The following SLC24A2 variants were observed in gnomAD, a reference collection of about 807,000 sequenced individuals.
SLC24A2 encodes sodium/potassium/calcium exchanger 2.
SLC24A2 carries 36 observed loss-of-function variants against 62.0 expected under a neutral mutation model. The observed-to-expected ratio is 0.58, with a 90% CI of 0.44 to 0.77. SLC24A2 has a LOEUF of 0.77. SLC24A2 is among the 30% of genes least tolerant of loss of function. SLC24A2 has a pLI of 0.00. For synonymous variants in SLC24A2, 358 were observed against 294.0 expected, an observed-to-expected ratio of 1.22 and a Z score of -2.23; for missense variants, 846 against 817.9, an observed-to-expected ratio of 1.03 and a Z score of -0.42.
the SLC24A2 span, among the ~76,000 whole-genome samples, chr9:19,986,532 A>G: frequency 6.6e-6 from 1 of 152,218 alleles, no homozygotes; most frequent in South Asian, 2.1e-4. Context: ...AGATGGAAAG[A>G]ACCCAAATGT....
At chr9:19,592,125 T>A (rs540852911) in intron 5 of SLC24A2, among the ~76,000 whole-genome samples, 15 of 152,220 alleles carry the variant, frequency 9.9e-5, no homozygotes, top group South Asian at 2.1e-4. Flanking sequence ...CTTTTGTTTC[T>A]TTGAAATAAT....
the SLC24A2 span, among the ~76,000 whole-genome samples, chr9:20,301,281 G>A: frequency 3.0e-4 from 45 of 152,210 alleles, no homozygotes; most frequent in South Asian, 8.5e-3. Flanking sequence ...GCTGAAGACT[G>A]GCAATTGCTT....
At chr9:20,306,207 T>C in the SLC24A2 span, among the ~76,000 whole-genome samples, 2 of 152,214 alleles carry the variant, frequency 1.3e-5, no homozygotes, top group Non-Finnish European at 2.9e-5. Context: ...CCATGTTGTG[T>C]TGGAATTCAG....
the SLC24A2 span, among the ~76,000 whole-genome samples, chr9:20,228,605 T>C: frequency 6.6e-6 from 1 of 152,140 alleles, no homozygotes; most frequent in Non-Finnish European, 1.5e-5. Context: ...AGAAGTTCTC[T>C]GCTATTGCCC....
At chr9:19,712,399 A>G (rs919504644) in intron 2 of SLC24A2, among the ~76,000 whole-genome samples, 34 of 152,164 alleles carry the variant, frequency 2.2e-4, no homozygotes, top group Non-Finnish European at 4.7e-4. Flanking sequence ...ATGGGTTTGA[A>G]TGTACTTTTC....
the SLC24A2 span, among the ~76,000 whole-genome samples, chr9:19,880,597 G>C: frequency 6.6e-6 from 1 of 152,104 alleles, no homozygotes; most frequent in Non-Finnish European, 1.5e-5. Context: ...CTACAGAAAA[G>C]GTGAAAAAAG....
At chr9:20,265,625 T>C in the SLC24A2 span, among the ~76,000 whole-genome samples, 1 of 152,162 alleles carries the variant, frequency 6.6e-6, no homozygotes, top group Non-Finnish European at 1.5e-5. Flanking sequence ...TTGCGTTAAC[T>C]GCACAAATTG....
the SLC24A2 span, among the ~76,000 whole-genome samples, chr9:19,983,059 A>C: frequency 6.6e-6 from 1 of 152,198 alleles, no homozygotes; most frequent in Admixed American, 6.6e-5. Flanking sequence ...CATCATATTC[A>C]ATGGTGAAAT....
At chr9:19,535,255 G>A (rs553468537) in intron 8 of SLC24A2, among the ~76,000 whole-genome samples, 8 of 152,068 alleles carry the variant, frequency 5.3e-5, no homozygotes, top group South Asian at 2.1e-4. Flanking sequence ...GATATTAGCC[G>A]TTTGTCAGAT....
At chr9:19,634,267 T>C (rs1056057461) in intron 2 of SLC24A2, among the ~76,000 whole-genome samples, 14 of 149,064 alleles carry the variant, frequency 9.4e-5, no homozygotes, top group African/African-American at 3.2e-4. Context: ...CAATCTAACT[T>C]GAAACTGCAG....
chr9:19,824,486 G>A, the SLC24A2 span, among the ~76,000 whole-genome samples: 1 of 152,216 alleles, frequency 6.6e-6, no homozygotes, highest in East Asian at 1.9e-4. Flanking sequence ...TCTCATGTCA[G>A]TTAGAATGGC....
chr9:19,931,942 G>T, the SLC24A2 span, among the ~76,000 whole-genome samples: 1 of 151,710 alleles, frequency 6.6e-6, no homozygotes, highest in East Asian at 1.9e-4. Context: ...ATTATTTTTA[G>T]TTTTGAGTCT....
At chr9:19,727,052 G>T (rs1821192323) in intron 2 of SLC24A2, among the ~76,000 whole-genome samples, 1 of 152,148 alleles carries the variant, frequency 6.6e-6, no homozygotes, top group Admixed American at 6.6e-5. Flanking sequence ...CATTTGGGCT[G>T]AAACTTCGTC....
At chr9:19,683,775 G>A (rs1200804730) in intron 2 of SLC24A2, among the ~76,000 whole-genome samples, 1 of 152,054 alleles carries the variant, frequency 6.6e-6, no homozygotes, top group Non-Finnish European at 1.5e-5. Context: ...GCTGAGATGG[G>A]AGCATTTAAA....
chr9:19,702,651 T>A (rs943727647), intron 2 of SLC24A2, among the ~76,000 whole-genome samples: 3 of 152,208 alleles, frequency 2.0e-5, no homozygotes, highest in Admixed American at 6.5e-5. Flanking sequence ...AGTGGCTTCC[T>A]ATAGTTAGAT....
the SLC24A2 span, among the ~76,000 whole-genome samples, chr9:20,203,848 T>A: frequency 6.6e-6 from 1 of 152,200 alleles, no homozygotes; most frequent in African/African-American, 2.4e-5. Flanking sequence ...CTATGGTATA[T>A]GCATATCAGC....
At chr9:20,182,277 A>G in the SLC24A2 span, among the ~76,000 whole-genome samples, 2 of 152,234 alleles carry the variant, frequency 1.3e-5, no homozygotes, top group Non-Finnish European at 2.9e-5. Flanking sequence ...CAGCCATCCC[A>G]TTACTGGGTA....
intron 2 of SLC24A2, among the ~76,000 whole-genome samples, chr9:19,650,730 AC>A (rs1818776366): frequency 6.6e-6 from 1 of 152,154 alleles, no homozygotes; most frequent in Non-Finnish European, 1.5e-5. Context: ...GCGCACACAC[AC>A]ACACACAAAT....
chr9:20,295,032 A>C, the SLC24A2 span, among the ~76,000 whole-genome samples: 1 of 143,424 alleles, frequency 7.0e-6, no homozygotes, highest in South Asian at 2.5e-4. Context: ...ATATGTGTAT[A>C]TATGTATATA....
Sources: gnomAD v4.1 joint callset for allele counts (sites outside exome capture counted in the v4.1 genomes callset) on GRCh38, gnomAD v4.1.1 for gene constraint, MANE v1.5 for transcripts, NCBI Gene and HGNC (gene_info 2026-07-23, HGNC 2026-07-21) for gene names.